TYW1B: variants seen among roughly 807,000 people sequenced by gnomAD.
The protein encoded by TYW1B is tRNA-yW synthesizing protein 1 homolog B.
TYW1B carries 73 observed loss-of-function variants against 86.9 expected under a neutral mutation model. The observed-to-expected ratio is 0.84, with a 90% CI of 0.70 to 1.02. The LOEUF (loss-of-function observed/expected upper bound fraction) is 1.02, where lower values mean the gene tolerates loss of function less well. Among genes scored for constraint, TYW1B ranks in the 50% least tolerant of loss-of-function variants. TYW1B has a pLI of 0.00. For missense variants in TYW1B, 637 were observed against 827.4 expected (o/e 0.77, Z 2.82); for synonymous variants, 248 against 292.8 (o/e 0.85, Z 1.56).
chr7:72,814,171 T>C (rs1200765795), intron 3 of TYW1B, among the ~76,000 whole-genome samples: 7 of 152,104 alleles, frequency 4.6e-5, no homozygotes, highest in African/African-American at 1.7e-4. Context: ...CAACCCTTCC[T>C]TGATTAAGAG....
At chr7:72,824,231 A>G (rs11764984) in intron 2 of TYW1B, among the ~76,000 whole-genome samples, 1,884 of 152,160 alleles carry the variant, frequency 0.012, 38 homozygotes, top group African/African-American at 0.043. Context: ...GTCCACAAAA[A>G]TAACAGACCT....
chr7:72,730,480 C>G (rs1787083021), intron 8 of TYW1B, among the ~76,000 whole-genome samples: 1 of 133,050 alleles, frequency 7.5e-6, no homozygotes, highest in Non-Finnish European at 1.6e-5. Context: ...TCAAGGAGAA[C>G]AAACAATGTC....
At chr7:72,603,213 G>A (rs1464603926) in intron 13 of TYW1B, among the ~76,000 whole-genome samples, 3 of 147,498 alleles carry the variant, frequency 2.0e-5, no homozygotes, top group Non-Finnish European at 4.5e-5. Context: ...GAGATTAGCT[G>A]GACAGATAGA....
intron 9 of TYW1B, among the ~76,000 whole-genome samples, chr7:72,714,677 G>A (rs1234673693): frequency 3.3e-5 from 5 of 152,016 alleles, no homozygotes; most frequent in African/African-American, 1.2e-4. Flanking sequence ...CAGCACTTTG[G>A]GAGGCCAAGG....
At chr7:72,671,956 G>A (rs532262654) in intron 11 of TYW1B, among the ~76,000 whole-genome samples, 97 of 150,430 alleles carry the variant, frequency 6.4e-4, no homozygotes, top group African/African-American at 2.2e-3. Context: ...AAGTCTAAAG[G>A]CAAAGAACAA....
chr7:72,640,831 T>G (rs200562437), intron 11 of TYW1B, among the ~76,000 whole-genome samples: 1 of 152,124 alleles, frequency 6.6e-6, no homozygotes, highest in East Asian at 1.9e-4. Context: ...GCACAGAACA[T>G]ATGAACGACA....
At chr7:72,602,910 T>C (rs1199917190) in intron 13 of TYW1B, among the ~76,000 whole-genome samples, 1 of 141,300 alleles carries the variant, frequency 7.1e-6, no homozygotes, top group African/African-American at 2.7e-5. Context: ...TATGGCAAAG[T>C]AACACAGGAG....
intron 9 of TYW1B, among the ~76,000 whole-genome samples, chr7:72,719,631 CAAAAAAAAAAAAAA>C (rs67560586): frequency 6.1e-5 from 4 of 65,056 alleles, no homozygotes. Flanking sequence ...ATTCCGTCTC[CAAAAAAAAAAAAAA>C]AAAAAAAAGA....
intron 10 of TYW1B, among the ~76,000 whole-genome samples, chr7:72,710,838 C>A (rs1786641664): frequency 6.6e-6 from 1 of 152,168 alleles, no homozygotes; most frequent in Admixed American, 6.5e-5. Flanking sequence ...TTCAAGCTGA[C>A]TCTGTGTGTG....
intron 8 of TYW1B, among the ~76,000 whole-genome samples, chr7:72,731,239 G>T (rs141832585): frequency 3.2e-4 from 49 of 151,194 alleles, no homozygotes; most frequent in African/African-American, 1.2e-3. Context: ...ATACTAGACT[G>T]GCCTTACCAG....
intron 11 of TYW1B, among the ~76,000 whole-genome samples, chr7:72,691,565 G>A (rs1362137501): frequency 1.3e-5 from 2 of 152,180 alleles, no homozygotes; most frequent in Admixed American, 6.6e-5. Context: ...AAGACAGGAA[G>A]TAAACTATTA....
At chr7:72,737,531 C>A (rs528995828) in intron 8 of TYW1B, among the ~76,000 whole-genome samples, 2 of 152,266 alleles carry the variant, frequency 1.3e-5, no homozygotes, top group East Asian at 3.9e-4. Flanking sequence ...TGTAAAAAAA[C>A]CAACTACTTA....
chr7:72,690,715 A>G (rs544061152), intron 11 of TYW1B, among the ~76,000 whole-genome samples: 41 of 152,336 alleles, frequency 2.7e-4, no homozygotes, highest in African/African-American at 9.9e-4. Flanking sequence ...TCTTATTTAT[A>G]GTAATCTGGT....
intron 9 of TYW1B, among the ~76,000 whole-genome samples, chr7:72,714,993 C>T (rs1786751046): frequency 6.6e-6 from 1 of 152,152 alleles, no homozygotes; most frequent in Admixed American, 6.5e-5. Flanking sequence ...CAAGGCTGGG[C>T]AATAAGTTTT....
intron 11 of TYW1B, among the ~76,000 whole-genome samples, chr7:72,671,469 T>A (rs186332343): frequency 2.7e-4 from 41 of 152,330 alleles, no homozygotes; most frequent in African/African-American, 8.7e-4. Flanking sequence ...CACATGAATG[T>A]ATGTCTCAGG....
chr7:72,606,023 C>T (rs1811785895), intron 13 of TYW1B, among the ~76,000 whole-genome samples: 1 of 152,022 alleles, frequency 6.6e-6, no homozygotes, highest in African/African-American at 2.4e-5. Context: ...GAGGATATTA[C>T]ATATAAGGCA....
intron 13 of TYW1B, among the ~76,000 whole-genome samples, chr7:72,588,676 C>A (rs1411191145): frequency 2.6e-5 from 4 of 152,190 alleles, no homozygotes; most frequent in Non-Finnish European, 5.9e-5. Flanking sequence ...GGGACAGGGA[C>A]TCTGTCTCCT....
chr7:72,663,903 T>C (rs1813398465), intron 11 of TYW1B, among the ~76,000 whole-genome samples: 1 of 151,902 alleles, frequency 6.6e-6, no homozygotes, highest in South Asian at 2.1e-4. Context: ...CATTTACACA[T>C]ATATCACAAT....
chr7:72,714,387 CAGG>C (rs1399135433), intron 9 of TYW1B, among the ~76,000 whole-genome samples: 1 of 150,502 alleles, frequency 6.6e-6, no homozygotes, highest in Non-Finnish European at 1.5e-5. Context: ...GAGGCCAAGG[CAGG>C]AGGATTGCTT....
Sources: allele counts gnomAD v4.1 joint callset (sites outside exome capture counted in the v4.1 genomes callset), GRCh38; gene constraint gnomAD v4.1.1; transcripts MANE v1.5; gene names NCBI Gene and HGNC (gene_info 2026-07-23, HGNC 2026-07-21).